RPH3A: variants seen among roughly 807,000 people sequenced by gnomAD.
RPH3A encodes the protein rabphilin 3A.
A neutral mutation model predicts 102.2 loss-of-function variants in RPH3A; 48 were observed. That is an observed-to-expected ratio of 0.47 (90% CI 0.37 to 0.60). The LOEUF (loss-of-function observed/expected upper bound fraction) is 0.60. Ranked by LOEUF, RPH3A falls within the 20% of genes least tolerant of loss-of-function variation. RPH3A has a pLI of 0.00. For missense variants in RPH3A, 781 were observed against 910.1 expected (o/e 0.86, Z 1.83); for synonymous variants, 310 against 324.3 (o/e 0.96, Z 0.47).
chr12:112,877,487 G>T (rs2042829200), intron 13 of RPH3A, among the ~76,000 whole-genome samples: 1 of 148,706 alleles, frequency 6.7e-6, no homozygotes, highest in East Asian at 2.0e-4. Flanking sequence ...GCTAACCCTG[G>T]TGTGCCTGGG....
At chr12:112,648,339 T>G (rs1476264919) in intron 1 of RPH3A, among the ~76,000 whole-genome samples, 2 of 151,572 alleles carry the variant, frequency 1.3e-5, no homozygotes, top group Non-Finnish European at 2.9e-5. Flanking sequence ...TAATGGACAT[T>G]TAGGTTGCTT....
chr12:112,704,336 C>T (rs1487713634), intron 1 of RPH3A, among the ~76,000 whole-genome samples: 2 of 152,118 alleles, frequency 1.3e-5, no homozygotes, highest in Non-Finnish European at 2.9e-5. Flanking sequence ...GTGATCCGCC[C>T]ACCTCAGCCT....
At chr12:112,853,753 A>T (rs1461196992) in intron 5 of RPH3A, among the ~76,000 whole-genome samples, 4 of 152,052 alleles carry the variant, frequency 2.6e-5, no homozygotes, top group Non-Finnish European at 5.9e-5. Context: ...CATTTAACTC[A>T]GGAAGCAGAG....
At position 112,841,880 on chromosome 12, in the gene RPH3A, G is replaced by GTCTCTCTCTCCTTC. The variant is rs1249472104; in HGVS notation, c.83+5389_83+5402dup. On this transcript the variant is annotated intron_variant, in intron 4 of 21. Transcript: ENST00000389385. ...CACTTAAAGTCAGCTAGGTTAGTTG[G>GTCTCTCTCTCCTTC]TCTCTCTCTCCTTCTCTCTCTCTCT... The GTCTCTCTCTCCTTC allele has an allele frequency of 1.1e-5, 5 of 453,844 alleles. No homozygotes were observed. In the East Asian group the frequency reaches 3.5e-4, roughly 32 times the overall value. 28.1% of individuals were successfully genotyped at this position (453,844 alleles called of 1,614,324 possible).
At chr12:112,747,193 C>T (rs1738030468) in intron 1 of RPH3A, among the ~76,000 whole-genome samples, 1 of 152,196 alleles carries the variant, frequency 6.6e-6, no homozygotes, top group African/African-American at 2.4e-5. Flanking sequence ...GAAATTCTAA[C>T]CTTCAAGGTT....
intron 1 of RPH3A, among the ~76,000 whole-genome samples, chr12:112,580,214 T>G (rs1242927410): frequency 2.0e-5 from 3 of 151,766 alleles, no homozygotes; most frequent in Non-Finnish European, 4.4e-5. Flanking sequence ...CGCCTCTCTC[T>G]CCACGTCTCT....
At chr12:112,752,077 C>T (rs150876828) in intron 1 of RPH3A, among the ~76,000 whole-genome samples, 3 of 152,134 alleles carry the variant, frequency 2.0e-5, no homozygotes, top group Non-Finnish European at 4.4e-5. Flanking sequence ...GGGTAAGTTT[C>T]AAGCCTTTCT....
intron 1 of RPH3A, among the ~76,000 whole-genome samples, chr12:112,584,027 G>T (rs1210432813): frequency 6.6e-6 from 1 of 152,134 alleles, no homozygotes; most frequent in Non-Finnish European, 1.5e-5. Flanking sequence ...CTAAATTATA[G>T]AGTCTTTATG....
In RPH3A at chr12:112,704,986, C is replaced by T. The variant is rs189915909; in HGVS notation, c.-139-87157C>T. Among the ~76,000 whole-genome samples, 434 of 152,236 alleles carry T rather than the reference C, an allele frequency of 2.9e-3. 2 individuals carry two copies. The highest frequency in any genetic ancestry group is 9.9e-3 in the African/African-American group (410 of 41,554). On this transcript the variant is annotated intron_variant, in intron 1 of 21. Coordinates refer to the RPH3A transcript ENST00000543106. ...ATGCAGTAGAGACCCAAAGTAATCG[C>T]GCTTTAAATTAGGTAGTTTGCTTCT...
Position 112,869,951 on chromosome 12 carries a change from C to A in RPH3A, c.708C>A (p.Ala236=), listed in dbSNP as rs1273337862. ...RGNYGPPVRR[A]SEARMSSSSR... The stretch of plus-strand genomic sequence containing the variant: ...ACTATGGGCCTCCCGTGCGCAGGGC[C>A]TCCGAGGCACGAATGAGCTCATCTA... Residue 236 remains alanine, a synonymous_variant, in exon 10 of 22, where the codon GCC becomes GCA. Transcript: ENST00000389385. 3 of 1,614,026 alleles carry A rather than the reference C, an allele frequency of 1.9e-6. No homozygotes were observed. The highest frequency in any genetic ancestry group is 8.5e-7 in the Non-Finnish European group (1 of 1,180,016).
chr12:112,753,705 AG>A (rs2040801296), intron 1 of RPH3A, among the ~76,000 whole-genome samples: 1 of 152,220 alleles, frequency 6.6e-6, no homozygotes, highest in Admixed American at 6.5e-5. Context: ...AACAAAGAAT[AG>A]TGAAAAGAGC....
intron 3 of RPH3A, among the ~76,000 whole-genome samples, chr12:112,830,541 A>G (rs1199149063): frequency 1.3e-5 from 2 of 152,128 alleles, no homozygotes; most frequent in Non-Finnish European, 2.9e-5. Context: ...TGAGATTATT[A>G]ATTGTGTTTA....
chr12:112,740,847 A>G (rs2040704193), intron 1 of RPH3A, among the ~76,000 whole-genome samples: 1 of 152,216 alleles, frequency 6.6e-6, no homozygotes, highest in African/African-American at 2.4e-5. Flanking sequence ...TCCATATGGG[A>G]TGTCTCCTGT....
At chr12:112,843,078 G>A (rs566176575) in intron 4 of RPH3A, among the ~76,000 whole-genome samples, 51 of 152,234 alleles carry the variant, frequency 3.4e-4, no homozygotes, top group African/African-American at 9.6e-4. Context: ...TTTGGTCTCC[G>A]GCTTCGGTCT....
chr12:112,843,661 G>A (rs2042184478), intron 4 of RPH3A, among the ~76,000 whole-genome samples: 2 of 152,170 alleles, frequency 1.3e-5, no homozygotes, highest in Non-Finnish European at 2.9e-5. Context: ...ATGTGTCCTT[G>A]GAGGGTCTTC....
At chr12:112,722,722 G>C (rs2040559559) in intron 1 of RPH3A, among the ~76,000 whole-genome samples, 1 of 152,078 alleles carries the variant, frequency 6.6e-6, no homozygotes, top group Non-Finnish European at 1.5e-5. Flanking sequence ...GTTGTGGTTG[G>C]GGCTGCAGCA....
intron 1 of RPH3A, among the ~76,000 whole-genome samples, chr12:112,641,876 G>A (rs1013958023): frequency 3.3e-5 from 5 of 152,146 alleles, no homozygotes; most frequent in Admixed American, 3.3e-4. Flanking sequence ...GCTCTTCTAA[G>A]CATTCTATAT....
At chr12:112,836,981 C>T (rs2042061533) in intron 4 of RPH3A, among the ~76,000 whole-genome samples, 1 of 152,190 alleles carries the variant, frequency 6.6e-6, no homozygotes, top group Non-Finnish European at 1.5e-5. Context: ...AGCAAAACAC[C>T]TTTGAAGCAG....
intron 1 of RPH3A, among the ~76,000 whole-genome samples, chr12:112,661,679 T>C (rs993310351): frequency 5.3e-5 from 8 of 152,176 alleles, no homozygotes; most frequent in African/African-American, 1.9e-4. Context: ...GAGAGGCTCT[T>C]GATAGGAAGC....
Sources: gnomAD v4.1 joint callset for allele counts (sites outside exome capture counted in the v4.1 genomes callset) on GRCh38, gnomAD v4.1.1 for gene constraint, MANE v1.5 for transcripts, NCBI Gene and HGNC (gene_info 2026-07-23, HGNC 2026-07-21) for gene names.